The following ALCAM variants were observed in gnomAD, a reference collection of about 807,000 sequenced individuals.
The protein encoded by ALCAM is CD166 antigen.
Under a neutral mutation model 70.9 loss-of-function variants are expected in ALCAM, and 30 were observed. The ratio of observed to expected loss-of-function variants is 0.42; its 90% CI spans 0.32 to 0.57. ALCAM has a LOEUF of 0.57. Among genes scored for constraint, ALCAM ranks in the 20% least tolerant of loss-of-function variants. The pLI is 0.11. For synonymous variants in ALCAM, 249 were observed against 242.5 expected, an observed-to-expected ratio of 1.03 and a Z score of -0.25; for missense variants, 591 against 695.1, an observed-to-expected ratio of 0.85 and a Z score of 1.68.
intron 1 of ALCAM, among the ~76,000 whole-genome samples, chr3:105,402,846 A>G (rs965336507): frequency 1.3e-5 from 2 of 151,662 alleles, no homozygotes; most frequent in South Asian, 2.1e-4. Context: ...TGGGAGCCCT[A>G]TAGCCCTGCC....
At position 105,553,312 on chromosome 3, in the gene ALCAM, C is replaced by G. The variant is rs182062423; in HGVS notation, c.1664+727C>G. ...ACTTCTCATCATCTCACTCCCAACC[C>G]TAGATTCAGATACCATTGATAGGGG... On this transcript the variant is annotated intron_variant, in intron 14 of 15. Transcript: ENST00000306107. 10 of 185,042 alleles carry G rather than the reference C, an allele frequency of 5.4e-5. No homozygotes were observed. The South Asian group carries it at 1.7e-3, about 31-fold the overall frequency. 11.5% of individuals were successfully genotyped at this position (185,042 alleles called of 1,614,324 possible). A position where few individuals can be genotyped will look rare whatever the true frequency, so the allele number is the denominator to read the frequency against.
At chr3:105,409,335 AT>A (rs1936328993) in intron 1 of ALCAM, among the ~76,000 whole-genome samples, 1 of 15,382 alleles carries the variant, frequency 6.5e-5, no homozygotes, top group Non-Finnish European at 1.2e-4. Flanking sequence ...AAAATGTGAC[AT>A]ATATATATAT....
At chr3:105,395,134 A>G (rs1408298759) in intron 1 of ALCAM, among the ~76,000 whole-genome samples, 1 of 151,852 alleles carries the variant, frequency 6.6e-6, no homozygotes, top group Non-Finnish European at 1.5e-5. Flanking sequence ...TCATCAAATG[A>G]CCGCCCTGCC....
At chr3:105,521,543 G>A (rs763445113) in intron 2 of ALCAM, among the ~76,000 whole-genome samples, 1 of 152,076 alleles carries the variant, frequency 6.6e-6, no homozygotes, top group Non-Finnish European at 1.5e-5. Flanking sequence ...TTAAAATATA[G>A]GTTCTGAAAT....
chr3:105,486,734 C>T (rs1212934426), intron 1 of ALCAM, among the ~76,000 whole-genome samples: 1 of 152,028 alleles, frequency 6.6e-6, no homozygotes, highest in Non-Finnish European at 1.5e-5. Flanking sequence ...GGAAAGTCAG[C>T]TTCTTATAGT....
At chr3:105,390,714 G>A (rs1935795502) in intron 1 of ALCAM, among the ~76,000 whole-genome samples, 1 of 151,866 alleles carries the variant, frequency 6.6e-6, no homozygotes, top group African/African-American at 2.4e-5. Context: ...TTTCTTCTAG[G>A]GTTTTTGTAG....
intron 1 of ALCAM, among the ~76,000 whole-genome samples, chr3:105,467,496 A>G (rs1182643128): frequency 6.6e-6 from 1 of 151,248 alleles, no homozygotes; most frequent in Non-Finnish European, 1.5e-5. Flanking sequence ...TGTTGACTAT[A>G]CGGCGCTCCT....
intron 14 of ALCAM, among the ~76,000 whole-genome samples, chr3:105,553,346 C>A (rs1351305248): frequency 6.6e-6 from 1 of 151,778 alleles, no homozygotes; most frequent in Non-Finnish European, 1.5e-5. Flanking sequence ...GGTGGGGTTC[C>A]AGCATCTGCA....
At position 105,520,944 on chromosome 3, in the gene ALCAM, A is replaced by G. The variant is rs146950307; in HGVS notation, c.174+777A>G. 2.6e-3 allele frequency among the ~76,000 whole-genome samples: 392 copies of G among 152,370 alleles called. 4 individuals carry two copies. The highest frequency in any genetic ancestry group is 8.9e-3 in the African/African-American group (371 of 41,586). On this transcript the variant is annotated intron_variant, in intron 2 of 15. Coordinates refer to ENST00000306107, the MANE Select transcript of ALCAM (RefSeq NM_001627.4). ...CTGGACACAATATCAAAATTTCCCT[A>G]GCTCCTTGAAATGTTAAAAGGTATT...
At chr3:105,379,455 G>T (rs1036696719) in intron 1 of ALCAM, among the ~76,000 whole-genome samples, 3 of 151,596 alleles carry the variant, frequency 2.0e-5, no homozygotes, top group African/African-American at 7.3e-5. Flanking sequence ...GAAAATTATA[G>T]CTTTAAAATG....
intron 1 of ALCAM, among the ~76,000 whole-genome samples, chr3:105,394,814 C>T (rs1249845267): frequency 6.6e-6 from 1 of 151,898 alleles, no homozygotes; most frequent in Non-Finnish European, 1.5e-5. Context: ...GCATGGCAAA[C>T]CAATGACTAT....
chr3:105,416,542 A>ATAT (rs1936512395), intron 1 of ALCAM, among the ~76,000 whole-genome samples: 6 of 152,010 alleles, frequency 3.9e-5, no homozygotes, highest in Admixed American at 3.9e-4. Flanking sequence ...CAGCAATTGC[A>ATAT]TATTATTATT....
chr3:105,547,748 A>G (rs1179254526), intron 11 of ALCAM, among the ~76,000 whole-genome samples: 3 of 151,436 alleles, frequency 2.0e-5, no homozygotes, highest in Non-Finnish European at 3.0e-5. Context: ...TCCCAGGGCC[A>G]TGGAGAAGGG....
intron 7 of ALCAM, among the ~76,000 whole-genome samples, chr3:105,540,777 A>C (rs1940096557): frequency 6.6e-6 from 1 of 152,042 alleles, no homozygotes. Flanking sequence ...AATGCAACTC[A>C]ATACTGCATT....
chr3:105,385,340 G>A (rs1576124789), intron 1 of ALCAM, among the ~76,000 whole-genome samples: 1 of 151,546 alleles, frequency 6.6e-6, no homozygotes, highest in African/African-American at 2.4e-5. Flanking sequence ...GACAAGTGAA[G>A]CTTAAAGGAG....
chr3:105,439,057 G>A (rs1242650021), intron 1 of ALCAM, among the ~76,000 whole-genome samples: 1 of 152,176 alleles, frequency 6.6e-6, no homozygotes, highest in East Asian at 1.9e-4. Context: ...AGAGCAAGAT[G>A]GCTGGGGGGC....
intron 1 of ALCAM, among the ~76,000 whole-genome samples, chr3:105,410,701 C>CA (rs2107393459): frequency 6.6e-6 from 1 of 152,134 alleles, no homozygotes; most frequent in East Asian, 1.9e-4. Context: ...GCTAGCAACT[C>CA]AGAGACTGTG....
At chr3:105,442,519 C>T (rs896214915) in intron 1 of ALCAM, among the ~76,000 whole-genome samples, 1 of 152,206 alleles carries the variant, frequency 6.6e-6, no homozygotes, top group Non-Finnish European at 1.5e-5. Flanking sequence ...CGGTGGCTCA[C>T]GCCTGTAATC....
intron 1 of ALCAM, among the ~76,000 whole-genome samples, chr3:105,460,607 G>GCCTT (rs1253934329): frequency 6.6e-6 from 1 of 151,930 alleles, no homozygotes; most frequent in Non-Finnish European, 1.5e-5. Context: ...CAGAGAGAAG[G>GCCTT]GTACACTTTC....
Sources: gnomAD v4.1 joint callset for allele counts (sites outside exome capture counted in the v4.1 genomes callset) on GRCh38, gnomAD v4.1.1 for gene constraint, MANE v1.5 for transcripts, NCBI Gene and HGNC (gene_info 2026-07-23, HGNC 2026-07-21) for gene names.